AK7: variants seen among roughly 807,000 people sequenced by gnomAD.
AK7 encodes the protein adenylate kinase 7, also known as ATP-AMP transphosphorylase 7.
In AK7, 78 loss-of-function variants were observed where a neutral mutation model predicts 96.6. That is an observed-to-expected ratio of 0.81 (90% CI 0.67 to 0.97). The LOEUF (loss-of-function observed/expected upper bound fraction) is 0.97, where lower values mean the gene tolerates loss of function less well. Ranked by LOEUF, AK7 falls within the 50% of genes least tolerant of loss-of-function variation. AK7 has a pLI of 0.00. For missense variants in AK7, 855 were observed against 887.9 expected, an observed-to-expected ratio of 0.96 and a Z score of 0.47; for synonymous variants, 302 against 317.2, an observed-to-expected ratio of 0.95 and a Z score of 0.51.
At chr14:96,480,892 C>A (rs1442859366) in intron 15 of AK7, among the ~76,000 whole-genome samples, 1 of 152,138 alleles carries the variant, frequency 6.6e-6, no homozygotes, top group Non-Finnish European at 1.5e-5. Flanking sequence ...GTCTCACAGC[C>A]AGGGATGCAG....
chr14:96,409,955 G>A (rs1040252428), intron 4 of AK7, among the ~76,000 whole-genome samples: 4 of 152,172 alleles, frequency 2.6e-5, no homozygotes, highest in Non-Finnish European at 5.9e-5. Context: ...CTGAGTCACC[G>A]GCAGCGACAT....
At chr14:96,476,109 T>G (rs1895163297) in intron 14 of AK7, among the ~76,000 whole-genome samples, 1 of 152,242 alleles carries the variant, frequency 6.6e-6, no homozygotes, top group Non-Finnish European at 1.5e-5. Flanking sequence ...ATTTTACCAC[T>G]GCTGTTAGCC....
At chr14:96,412,946 A>G (rs962948079) in intron 4 of AK7, among the ~76,000 whole-genome samples, 6 of 152,196 alleles carry the variant, frequency 3.9e-5, no homozygotes, top group Non-Finnish European at 8.8e-5. Flanking sequence ...GAAAAAAATC[A>G]TTGTCAGCTG....
intron 16 of AK7, among the ~76,000 whole-genome samples, chr14:96,484,615 G>A (rs921930846): frequency 1.3e-5 from 2 of 152,126 alleles, no homozygotes; most frequent in African/African-American, 4.8e-5. Flanking sequence ...ACAGACACCT[G>A]GCATCTTTAC....
At chr14:96,456,045 C>A (rs1017913046) in intron 10 of AK7, among the ~76,000 whole-genome samples, 1 of 151,922 alleles carries the variant, frequency 6.6e-6, no homozygotes, top group Non-Finnish European at 1.5e-5. Context: ...TTGAGACCAG[C>A]CTGGCCAACA....
intron 12 of AK7, among the ~76,000 whole-genome samples, chr14:96,462,587 C>T (rs1307748529): frequency 6.6e-6 from 1 of 152,148 alleles, no homozygotes; most frequent in Non-Finnish European, 1.5e-5. Context: ...GTGCTAATTA[C>T]AGATTTTGTG....
chr14:96,445,187 T>C (rs970313361), intron 7 of AK7, among the ~76,000 whole-genome samples: 3 of 152,260 alleles, frequency 2.0e-5, no homozygotes. Flanking sequence ...TTTTATGGAA[T>C]GAAATGTTGC....
Position 96,478,619 on chromosome 14 carries a change from C to T in AK7, c.1710C>T (p.Val570=), listed in dbSNP as rs372841462. ...ACATCAATATCGACGATGAGACTGT[C>T]TTCAACTATTTTGATGAACTTGAAA... ...YRDINIDDET[V]FNYFDELEIH... Residue 570 remains valine, a synonymous_variant, in exon 15 of 18, where the codon GTC becomes GTT. Coordinates refer to ENST00000267584, the MANE Select transcript of AK7 (RefSeq NM_152327.5). The T allele has an allele frequency of 6.2e-7, 1 of 1,614,042 alleles. No individual in the cohort carries two copies. The highest frequency in any genetic ancestry group is 1.3e-5 in the African/African-American group (1 of 74,924).
intron 10 of AK7, among the ~76,000 whole-genome samples, chr14:96,452,082 C>T (rs913926042): frequency 3.9e-5 from 6 of 152,078 alleles, no homozygotes; most frequent in African/African-American, 1.4e-4. Flanking sequence ...TTTTAATTAT[C>T]ACAACTTTTC....
rs755105036 is a variant in AK7, at chr14:96,487,219, C to CAA, written c.2133+178_2133+179dup. Among the ~76,000 whole-genome samples, 40 of 109,398 alleles carry CAA rather than the reference C, an allele frequency of 3.7e-4. 1 individual carries two copies. The South Asian group carries it at 9.7e-3, about 26-fold the overall frequency. 71.8% of individuals were successfully genotyped at this position (109,398 alleles called of 152,430 possible). On this transcript the variant is annotated intron_variant, in intron 17 of 17. Coordinates refer to ENST00000267584, the MANE Select transcript of AK7 (RefSeq NM_152327.5). ...TGAAACCCCGTCTCTACTAAAAATA[C>CAA]AAAAAAAAAAAAAAAATTAGCTGGG...
chr14:96,452,153 T>A (rs1893641862), intron 10 of AK7, among the ~76,000 whole-genome samples: 1 of 152,228 alleles, frequency 6.6e-6, no homozygotes, highest in Admixed American at 6.5e-5. Flanking sequence ...ATTATATACA[T>A]GTATCCTGTA....
intron 12 of AK7, 76 bp from the exon 13 acceptor site, chr14:96,471,402 G>T: frequency 4.9e-5 from 30 of 618,276 alleles, no homozygotes; most frequent in East Asian, 1.6e-4. Context: ...AACAATTTTT[G>T]AGATAACTTT....
chr14:96,398,234 C>T lies in AK7; in HGVS notation c.265C>T (p.Arg89Trp), dbSNP rs199700054. Residue 89 changes from arginine to tryptophan, a missense_variant, in exon 2 of 18, where the codon CGG becomes TGG. Physicochemically the swap from Arg to Trp is moderately radical, Grantham distance 101. Coordinates refer to ENST00000267584, the MANE Select transcript of AK7 (RefSeq NM_152327.5). ...VGTLSKPDSP[R>W]PDFAVETYSA... Reference sequence around the variant, plus strand: ...CACGCTGTCCAAGCCTGACAGCCCGCGGCCTGACTTTGCGGTGGAGACGTA... The same window carrying T: ...CACGCTGTCCAAGCCTGACAGCCCGTGGCCTGACTTTGCGGTGGAGACGTA... The T allele has an allele frequency of 1.9e-5, 30 of 1,613,376 alleles. No individual in the cohort carries two copies. Among genetic ancestry groups the T allele is most frequent in the East Asian group, 2.2e-5 (1 of 44,890 alleles).
chr14:96,394,793 T>C (rs931933539), intron 1 of AK7, among the ~76,000 whole-genome samples: 3 of 152,166 alleles, frequency 2.0e-5, no homozygotes, highest in Non-Finnish European at 2.9e-5. Flanking sequence ...CTGGCCAACA[T>C]AGCAAAATCC....
intron 1 of AK7, among the ~76,000 whole-genome samples, chr14:96,396,330 T>C (rs1476277882): frequency 6.6e-6 from 1 of 152,186 alleles, no homozygotes; most frequent in Non-Finnish European, 1.5e-5. Context: ...GGAGTGGGAA[T>C]ATGAGGAATA....
chr14:96,415,337 AG>A (rs1345380116), intron 4 of AK7, among the ~76,000 whole-genome samples: 1 of 152,122 alleles, frequency 6.6e-6, no homozygotes, highest in Non-Finnish European at 1.5e-5. Context: ...AAAAGAAAAA[AG>A]GAAATCTGGC....
rs530586124 is a variant in AK7 at position 96,420,873 on chromosome 14, C to T, written c.550C>T (p.His184Tyr). 6.2e-7 allele frequency: 1 copy of T among 1,613,818 alleles called. No individual in the cohort carries two copies. Among genetic ancestry groups the T allele is most frequent in the South Asian group, 1.1e-5 (1 of 91,052 alleles). ...AGAAGATTATCGAAGAAGAAAGTCTCATCCTAATTTTCTGGACCACATAAA... is the reference window on the plus strand; with the variant it reads ...AGAAGATTATCGAAGAAGAAAGTCTTATCCTAATTTTCTGGACCACATAAA... The part of the protein sequence containing the change: ...TEEDYRRRKS[H>Y]PNFLDHINAE... Residue 184 changes from histidine (H) to tyrosine (Y), a missense_variant, in exon 5 of 18, where the codon CAT becomes TAT. By Grantham distance (83) the His-to-Tyr change is moderately conservative. Transcript: ENST00000267584.
Position 96,471,378 on chromosome 14 carries a change from A to G in AK7, c.1358-100A>G, listed in dbSNP as rs565336760. On this transcript the variant is annotated intron_variant, in intron 12 of 17. Transcript: ENST00000267584. The stretch of plus-strand genomic sequence containing the variant: ...AAGCAAAATAGGGATTTCCAATAGT[A>G]CCTTTGACTACACAACAATTTTTGA... 48 of 606,346 alleles carry G rather than the reference A, an allele frequency of 7.9e-5. No individual in the cohort carries two copies. In the East Asian group the frequency reaches 1.1e-3, roughly 13 times the overall value. 37.6% of individuals were successfully genotyped at this position (606,346 alleles called of 1,614,324 possible).
At chr14:96,402,893 G>T (rs911816184) in intron 2 of AK7, among the ~76,000 whole-genome samples, 1 of 151,948 alleles carries the variant, frequency 6.6e-6, no homozygotes, top group African/African-American at 2.4e-5. Flanking sequence ...ACTTTGGGAG[G>T]CCAAGCGGGC....
Sources: allele counts gnomAD v4.1 joint callset (sites outside exome capture counted in the v4.1 genomes callset), GRCh38; gene constraint gnomAD v4.1.1; transcripts MANE v1.5; gene names NCBI Gene and HGNC (gene_info 2026-07-23, HGNC 2026-07-21).